The following RP1 variants were observed in gnomAD, a reference collection of about 807,000 sequenced individuals.
The protein encoded by RP1 is oxygen-regulated protein 1.
RP1 carries 16 observed loss-of-function variants against 14.8 expected under a neutral mutation model. The observed-to-expected ratio is 1.08, with a 90% CI of 0.73 to 1.65. The LOEUF is 1.65. RP1 is among the 40% of genes most tolerant of loss of function. The pLI is 0.00. For missense variants in RP1, 2,631 were observed against 2,535.0 expected (o/e 1.04, Z -0.81); for synonymous variants, 876 against 883.6 (o/e 0.99, Z 0.15).
upstream of RP1, among the ~76,000 whole-genome samples, chr8:54,613,985 T>A (rs1805654776): frequency 6.6e-6 from 1 of 152,196 alleles, no homozygotes; most frequent in Non-Finnish European, 1.5e-5. Context: ...AATAATAATG[T>A]CCATTTACTG....
chr8:54,655,976 T>TA, intron 5 of RP1: 3 of 694,802 alleles, frequency 4.3e-6, no homozygotes, highest in Non-Finnish European at 6.6e-6. Context: ...CAGTTTCTCA[T>TA]ATTAAAAATA....
chr8:54,697,812 T>C (rs935956333), intron 12 of RP1, among the ~76,000 whole-genome samples: 3 of 152,128 alleles, frequency 2.0e-5, no homozygotes, highest in Non-Finnish European at 4.4e-5. Context: ...ATTTAATAAA[T>C]GGTGCTGGGA....
chr8:54,772,362 A>G (rs879387655), downstream of RP1, among the ~76,000 whole-genome samples: 12 of 151,960 alleles, frequency 7.9e-5, no homozygotes, highest in Non-Finnish European at 1.8e-4. Context: ...TTAATTATAT[A>G]ATAAAAAATA....
chr8:54,842,792 C>T (rs1785298680), intron 25 of RP1, among the ~76,000 whole-genome samples: 2 of 152,188 alleles, frequency 1.3e-5, no homozygotes, highest in African/African-American at 4.8e-5. Context: ...CCCGCCACCA[C>T]CTGCTGCCCC....
chr8:54,845,457 G>T (rs145558140), intron 25 of RP1, among the ~76,000 whole-genome samples: 1 of 152,124 alleles, frequency 6.6e-6, no homozygotes, highest in African/African-American at 2.4e-5. Flanking sequence ...CTAGGAACAC[G>T]GGAGTTAGGA....
At chr8:54,591,768 G>A in intron 1 of RP1, among the ~76,000 whole-genome samples, 1 of 152,144 alleles carries the variant, frequency 6.6e-6, no homozygotes, top group South Asian at 2.1e-4. Context: ...TCAGCGGCCA[G>A]GTGGGTGGCT....
chr8:54,751,634 T>G (rs921428449), intron 19 of RP1, among the ~76,000 whole-genome samples: 3 of 152,234 alleles, frequency 2.0e-5, no homozygotes, highest in African/African-American at 7.2e-5. Context: ...CCAAGGTCTT[T>G]TAATTCAAAT....
exon 4 of RP1, chr8:54,649,048 T>C (rs1806604638): frequency 5.9e-6 from 9 of 1,531,712 alleles, no homozygotes; most frequent in Non-Finnish European, 7.9e-6. Flanking sequence ...AGCTCACAGA[T>C]TTATATTATT....
chr8:54,601,522 T>C (rs1382795407), intron 1 of RP1, among the ~76,000 whole-genome samples: 1 of 149,578 alleles, frequency 6.7e-6, no homozygotes. Context: ...TGTATACATA[T>C]GTAACTAACG....
At chr8:54,782,531 G>A (rs1810214217) in intron 23 of RP1, among the ~76,000 whole-genome samples, 1 of 152,066 alleles carries the variant, frequency 6.6e-6, no homozygotes, top group African/African-American at 2.4e-5. Flanking sequence ...GGTTTATGGG[G>A]CCTTAGAAAA....
chr8:54,823,151 A>T (rs779842346), intron 24 of RP1, among the ~76,000 whole-genome samples: 7 of 152,052 alleles, frequency 4.6e-5, no homozygotes, highest in Non-Finnish European at 7.4e-5. Context: ...GAACTATTCC[A>T]TCCTGAGAAA....
At chr8:54,706,382 C>G in intron 14 of RP1, 1 of 1,491,946 alleles carries the variant, frequency 6.7e-7, no homozygotes, top group Non-Finnish European at 9.0e-7. Context: ...ATAGTTGTCT[C>G]CCTCTAGCAA....
chr8:54,818,446 A>T (rs888942953), intron 24 of RP1, among the ~76,000 whole-genome samples: 3 of 152,164 alleles, frequency 2.0e-5, no homozygotes, highest in Non-Finnish European at 4.4e-5. Context: ...TTAGCTTGAG[A>T]CTCTTTGTTC....
intron 19 of RP1, among the ~76,000 whole-genome samples, chr8:54,747,884 G>A (rs775253050): frequency 6.6e-6 from 1 of 152,252 alleles, no homozygotes; most frequent in Non-Finnish European, 1.5e-5. Context: ...AATTAGTAGC[G>A]AGATAAGGCC....
chr8:54,624,553 A>G (rs1401173137), intron 3 of RP1, 117 bp from the exon 4 acceptor site: 7 of 955,010 alleles, frequency 7.3e-6, no homozygotes, highest in African/African-American at 1.6e-5. Context: ...TTTCATACTA[A>G]TCATTTCCCC....
At chr8:54,696,824 C>A in intron 12 of RP1, 1 of 739,944 alleles carries the variant, frequency 1.4e-6, no homozygotes, top group Non-Finnish European at 2.4e-6. Context: ...CTGCGGATTT[C>A]CAAATCTGAA....
At chr8:54,570,636 CT>C (rs36050577) in intron 1 of RP1, among the ~76,000 whole-genome samples, 4,929 of 145,118 alleles carry the variant, frequency 0.034, 258 homozygotes, top group African/African-American at 0.11. Context: ...CCTAGGTAAA[CT>C]TTTTTTTTTT....
At chr8:54,867,256 T>C (rs145364050) in intron 28 of RP1, among the ~76,000 whole-genome samples, 156 of 152,336 alleles carry the variant, frequency 1.0e-3, no homozygotes, top group African/African-American at 3.7e-3. Context: ...AATAAGGAGT[T>C]GAATTTTGTA....
intron 12 of RP1, chr8:54,696,722 A>G: frequency 1.4e-6 from 1 of 723,086 alleles, no homozygotes; most frequent in South Asian, 1.5e-5. Flanking sequence ...AACCACTTCA[A>G]GACTTCGCCT....
Sources: allele counts gnomAD v4.1 joint callset (sites outside exome capture counted in the v4.1 genomes callset), GRCh38; gene constraint gnomAD v4.1.1; transcripts MANE v1.5; gene names NCBI Gene and HGNC (gene_info 2026-07-23, HGNC 2026-07-21).